Variants in LONP2 observed in about 807,000 individuals in gnomAD.
The protein encoded by LONP2 is lon peptidase 2, peroxisomal.
A neutral mutation model predicts 85.6 loss-of-function variants in LONP2; 60 were observed. The observed-to-expected ratio is 0.70, with a 90% CI of 0.57 to 0.87. The LOEUF (loss-of-function observed/expected upper bound fraction) is 0.87. Ranked by LOEUF, LONP2 falls within the 40% of genes least tolerant of loss-of-function variation. The pLI is 0.00. For missense variants in LONP2, 860 were observed against 1,063.5 expected, an observed-to-expected ratio of 0.81 and a Z score of 2.66; for synonymous variants, 395 against 389.7, an observed-to-expected ratio of 1.01 and a Z score of -0.16.
At chr16:48,286,445 A>C (rs1972445070) in intron 8 of LONP2, among the ~76,000 whole-genome samples, 1 of 151,880 alleles carries the variant, frequency 6.6e-6, no homozygotes, top group Non-Finnish European at 1.5e-5. Flanking sequence ...CTGGCCGCTG[A>C]TTTGTAATCT....
At chr16:48,280,043 T>A (rs1308818736) in intron 8 of LONP2, among the ~76,000 whole-genome samples, 1 of 152,216 alleles carries the variant, frequency 6.6e-6, no homozygotes, top group Non-Finnish European at 1.5e-5. Context: ...TACAGTTACC[T>A]TACTTAAAAG....
Position 48,296,145 on chromosome 16 carries a change from T to C in LONP2, c.1514T>C (p.Met505Thr). Residue 505 changes from methionine (M) to threonine (T), a missense_variant, in exon 9 of 15, where the codon ATG (methionine) becomes ACG (threonine). Met to Thr is a moderately conservative substitution (Grantham distance 81). This residue lies in a region of LONP2 where 743 missense variants were observed against 917.3 expected (regional missense o/e 0.81). Coordinates refer to ENST00000285737, the MANE Select transcript of LONP2 (RefSeq NM_031490.5). ...ATTCCAGCTGCCTTGTTGGACAGAA[T>C]GGAGATCATTCAGGTTCCAGGTACC... Reference protein sequence around the residue: ...ATIPAALLDRMEIIQVPGYTQ... With the variant: ...ATIPAALLDRTEIIQVPGYTQ... The C allele has an allele frequency of 6.2e-7, 1 of 1,614,156 alleles. No individual in the cohort carries two copies. The highest frequency in any genetic ancestry group is 8.5e-7 in the Non-Finnish European group (1 of 1,180,012).
At chr16:48,318,978 CTT>C (rs775333727) in intron 11 of LONP2, among the ~76,000 whole-genome samples, 3 of 145,122 alleles carry the variant, frequency 2.1e-5, no homozygotes, top group Admixed American at 6.9e-5. Context: ...ATCCTTTCAG[CTT>C]TTTTTTTTTT....
At chr16:48,348,391 G>T in intron 14 of LONP2, 101 bp downstream of exon 14, 2 of 674,336 alleles carry the variant, frequency 3.0e-6, no homozygotes, top group Non-Finnish European at 2.1e-6. Context: ...TGAAAACCTT[G>T]GTTTTAAGTA....
chr16:48,343,479 A>ACT (rs2151030508), intron 12 of LONP2, among the ~76,000 whole-genome samples: 1 of 152,068 alleles, frequency 6.6e-6, no homozygotes, highest in East Asian at 1.9e-4. Context: ...CAGGTGGATC[A>ACT]TGAGGTCAGG....
At chr16:48,337,409 C>T (rs937363342) in intron 12 of LONP2, among the ~76,000 whole-genome samples, 4 of 152,210 alleles carry the variant, frequency 2.6e-5, no homozygotes, top group Non-Finnish European at 5.9e-5. Flanking sequence ...TCTTGGCTAT[C>T]AGGCACTGTG....
downstream of LONP2, among the ~76,000 whole-genome samples, chr16:48,359,051 G>A (rs143006517): frequency 4.2e-3 from 637 of 152,190 alleles, no homozygotes; most frequent in Non-Finnish European, 7.1e-3. Flanking sequence ...GCAGTGATAC[G>A]ATCTTGGCTC....
intron 2 of LONP2, among the ~76,000 whole-genome samples, chr16:48,253,267 C>T (rs536669823): frequency 6.6e-6 from 1 of 151,730 alleles, no homozygotes; most frequent in Non-Finnish European, 1.5e-5. Context: ...CCCAGTAGTT[C>T]GAGATCAGCC....
intron 11 of LONP2, among the ~76,000 whole-genome samples, chr16:48,308,537 G>C (rs2151005562): frequency 6.6e-6 from 1 of 150,506 alleles, no homozygotes; most frequent in South Asian, 2.1e-4. Context: ...TGAGACAGGA[G>C]AATCACTTGA....
At chr16:48,250,364 C>T (rs190126070) in intron 1 of LONP2, among the ~76,000 whole-genome samples, 2 of 152,108 alleles carry the variant, frequency 1.3e-5, no homozygotes, top group Non-Finnish European at 2.9e-5. Context: ...TGCCTGTAGT[C>T]CCAGCTACTT....
At chr16:48,294,160 C>G (rs1972618729) in intron 8 of LONP2, among the ~76,000 whole-genome samples, 1 of 152,048 alleles carries the variant, frequency 6.6e-6, no homozygotes, top group African/African-American at 2.4e-5. Context: ...AGGCTGGTCT[C>G]AAACACCTGA....
intron 11 of LONP2, among the ~76,000 whole-genome samples, chr16:48,328,143 T>G (rs2151020242): frequency 6.6e-6 from 1 of 152,294 alleles, no homozygotes; most frequent in East Asian, 1.9e-4. Context: ...CCAGGTACAG[T>G]GGCTCACTCC....
At position 48,354,830 on chromosome 16, in the gene LONP2, C is replaced by T. The variant is rs1266631376; in HGVS notation, c.*3028C>T. On this transcript the variant is annotated 3_prime_UTR_variant, in exon 15 of 15. Transcript: ENST00000285737. ...AGGGATGAACCTCTTCCTCCTTTGCCACTTTAGCTTTAGCTCAAAGGAACT... is the reference window on the plus strand; with the variant it reads ...AGGGATGAACCTCTTCCTCCTTTGCTACTTTAGCTTTAGCTCAAAGGAACT... 1 of 152,190 alleles carries T rather than the reference C, an allele frequency of 6.6e-6. No homozygotes were observed. The highest frequency in any genetic ancestry group is 1.5e-5 in the Non-Finnish European group (1 of 68,032). The allele number at this position is 152,190 out of a possible 1,614,324, so 9.4% of individuals were successfully genotyped here.
intron 11 of LONP2, among the ~76,000 whole-genome samples, chr16:48,333,683 A>G (rs1854519886): frequency 6.8e-6 from 1 of 146,864 alleles, no homozygotes; most frequent in African/African-American, 2.5e-5. Flanking sequence ...AGAGAGAGAA[A>G]GAGAGAGAGA....
At chr16:48,357,861 A>T (rs530455477), downstream of LONP2, among the ~76,000 whole-genome samples, 5 of 152,330 alleles carry the variant, frequency 3.3e-5, no homozygotes, top group East Asian at 7.7e-4. Context: ...AATTACTCAC[A>T]AAGGAAAAAC....
chr16:48,280,687 T>C lies in LONP2; in HGVS notation c.1383+3208T>C, dbSNP rs1364010360. Among the ~76,000 whole-genome samples, 4 of 152,320 alleles carry C rather than the reference T, an allele frequency of 2.6e-5. No homozygotes were observed. In the East Asian group the frequency reaches 5.8e-4, roughly 22 times the overall value. On this transcript the variant is annotated intron_variant, in intron 8 of 14. Coordinates refer to ENST00000285737, the MANE Select transcript of LONP2 (RefSeq NM_031490.5). Reference sequence around the variant, plus strand: ...TGAATAGCATTGGTTCCTTACAGACTGTAAATGCTATAAAATGAAGCAAGA... The same window carrying C: ...TGAATAGCATTGGTTCCTTACAGACCGTAAATGCTATAAAATGAAGCAAGA...
chr16:48,352,050 A>G lies in LONP2; in HGVS notation c.*248A>G, dbSNP rs1420899075. The G allele has an allele frequency of 1.2e-5, 6 of 495,798 alleles. No individual in the cohort carries two copies. The highest frequency in any genetic ancestry group is 3.5e-5 in the East Asian group (1 of 28,908). 30.7% of individuals were successfully genotyped at this position (495,798 alleles called of 1,614,324 possible). On this transcript the variant is annotated 3_prime_UTR_variant, in exon 15 of 15. Transcript: ENST00000285737. ...CTTACTGTCCCTGGAAAGATATAGC[A>G]TAGTGGTTCTCAGCACAGTCTCCAG...
At chr16:48,294,408 A>T (rs1408586741) in intron 8 of LONP2, among the ~76,000 whole-genome samples, 1 of 152,218 alleles carries the variant, frequency 6.6e-6, no homozygotes, top group Admixed American at 6.5e-5. Flanking sequence ...GGAATTCTAG[A>T]TAGAGTTTCC....
intron 8 of LONP2, among the ~76,000 whole-genome samples, chr16:48,281,109 T>G (rs1320236707): frequency 2.0e-5 from 3 of 152,194 alleles, no homozygotes; most frequent in African/African-American, 7.2e-5. Context: ...ATGTATAAGA[T>G]TATTTTATGT....
Sources: gnomAD v4.1 joint callset for allele counts (sites outside exome capture counted in the v4.1 genomes callset) on GRCh38, gnomAD v4.1.1 for gene constraint, gnomAD v4.1.1 regional missense constraint, MANE v1.5 for transcripts, NCBI Gene and HGNC (gene_info 2026-07-23, HGNC 2026-07-21) for gene names.